TRPC5: variants seen among roughly 807,000 people sequenced by gnomAD.
TRPC5 encodes the protein transient receptor potential cation channel subfamily C member 5, also known as short transient receptor potential channel 5.
A neutral mutation model predicts 56.5 loss-of-function variants in TRPC5; 9 were observed. That is an observed-to-expected ratio of 0.16 (90% CI 0.10 to 0.28). TRPC5 has a LOEUF of 0.28. Ranked by LOEUF, TRPC5 falls within the 10% of genes least tolerant of loss-of-function variation. The pLI is 1.00. For synonymous variants in TRPC5, 282 were observed against 278.5 expected (o/e 1.01, Z -0.13); for missense variants, 469 against 748.9 (o/e 0.63, Z 4.36).
intron 1 of TRPC5, among the ~76,000 whole-genome samples, chrX:111,987,496 A>G (rs1928242336): frequency 9.0e-6 from 1 of 110,899 alleles, no homozygotes; most frequent in South Asian, 3.8e-4. Flanking sequence ...ACACCTTTGT[A>G]CCTTTTGACC....
rs773222185 is a variant in TRPC5 at position 111,864,439 on chromosome X, C to G, written c.901-10333G>C. Among the ~76,000 whole-genome samples, 3 of 112,521 alleles carry G rather than the reference C, an allele frequency of 2.7e-5. No homozygotes were observed. The Admixed American group carries it at 2.8e-4, about 11-fold the overall frequency. ...TAAACAAATGCCCCCAGGAAAAGAA[C>G]TATTGGTACTGAGTCAGATCACATG... is the stretch of plus-strand genomic sequence containing the variant. On this transcript the variant is annotated intron_variant, in intron 3 of 10. Coordinates refer to ENST00000262839, the MANE Select transcript of TRPC5 (RefSeq NM_012471.3).
chrX:111,796,570 T>C (rs767798899), intron 7 of TRPC5, among the ~76,000 whole-genome samples: 2 of 112,326 alleles, frequency 1.8e-5, no homozygotes, highest in African/African-American at 6.4e-5. Flanking sequence ...TTGAAGTCTA[T>C]TTTCAGTCTA....
intron 1 of TRPC5, among the ~76,000 whole-genome samples, chrX:112,064,870 C>T (rs1247618337): frequency 3.6e-5 from 4 of 110,475 alleles, no homozygotes; most frequent in Admixed American, 9.6e-5. Context: ...GTCAGGAGAT[C>T]GAGACCATCC....
intron 1 of TRPC5, among the ~76,000 whole-genome samples, chrX:111,964,564 C>T (rs1277467228): frequency 8.9e-6 from 1 of 111,959 alleles, no homozygotes; most frequent in African/African-American, 3.3e-5. Flanking sequence ...ATGTTAAGGG[C>T]AGCGAGAGAG....
intron 1 of TRPC5, among the ~76,000 whole-genome samples, chrX:112,070,757 C>A (rs778352417): frequency 8.5e-5 from 9 of 106,282 alleles, no homozygotes; most frequent in South Asian, 4.1e-4. Flanking sequence ...CTGCCCCCCC[C>A]CAAAGTTACT....
chrX:111,824,138 G>A (rs1173119311), intron 7 of TRPC5, among the ~76,000 whole-genome samples: 1 of 108,963 alleles, frequency 9.2e-6, no homozygotes, highest in Non-Finnish European at 1.9e-5. Flanking sequence ...AGCTGAGGCT[G>A]GAGGATTACA....
At chrX:111,987,177 T>C (rs1928232846) in intron 1 of TRPC5, among the ~76,000 whole-genome samples, 1 of 111,975 alleles carries the variant, frequency 8.9e-6, no homozygotes, top group Non-Finnish European at 1.9e-5. Flanking sequence ...CTCTCTTTAC[T>C]ACTGAAAATA....
In TRPC5 at chrX:111,802,829, T is replaced by G. The variant is rs190268341; in HGVS notation, c.1897-20691A>C. Among the ~76,000 whole-genome samples, 489 of 111,757 alleles carry G rather than the reference T, an allele frequency of 4.4e-3. 1 individual carries two copies. The highest frequency in any genetic ancestry group is 6.6e-3 in the Non-Finnish European group (350 of 53,129). ...ACAAACTCATAGCAAGCCTGCATGTTATATCTATATCTTTATTTATTTATT... is the reference window on the plus strand; with the variant it reads ...ACAAACTCATAGCAAGCCTGCATGTGATATCTATATCTTTATTTATTTATT... On this transcript the variant is annotated intron_variant, in intron 7 of 10. Transcript: ENST00000262839.
At chrX:112,020,810 C>A (rs776503145) in intron 1 of TRPC5, among the ~76,000 whole-genome samples, 186 of 110,579 alleles carry the variant, frequency 1.7e-3, no homozygotes, top group African/African-American at 5.6e-3. Context: ...AAAATCTTTT[C>A]TTTTCATTGT....
rs1291025957 is a variant in TRPC5 at position 111,824,052 on chromosome X, G to A, written c.1896+10869C>T. On this transcript the variant is annotated intron_variant, in intron 7 of 10. Transcript: ENST00000262839. ...TCGAGATCAGCCTGCACAACATGATGAAACGCCATCTCTACAAAAAATACA... is the reference window on the plus strand; with the variant it reads ...TCGAGATCAGCCTGCACAACATGATAAAACGCCATCTCTACAAAAAATACA... 3.6e-5 allele frequency among the ~76,000 whole-genome samples: 4 copies of A among 110,158 alleles called. No individual in the cohort carries two copies. In the Admixed American group the frequency reaches 3.9e-4, roughly 11 times the overall value.
chrX:111,807,296 C>T (rs780113062), intron 7 of TRPC5, among the ~76,000 whole-genome samples: 4 of 111,547 alleles, frequency 3.6e-5, no homozygotes, highest in African/African-American at 1.3e-4. Flanking sequence ...TTTCAAATAG[C>T]CTGTCTTCAA....
chrX:111,874,830 A>G (rs1341061948), intron 3 of TRPC5, among the ~76,000 whole-genome samples: 2 of 112,577 alleles, frequency 1.8e-5, no homozygotes, highest in Non-Finnish European at 3.7e-5. Context: ...TTGTTTATGT[A>G]TTACCTGTGG....
chrX:112,028,221 T>C (rs1929475787), intron 1 of TRPC5, among the ~76,000 whole-genome samples: 2 of 112,411 alleles, frequency 1.8e-5, no homozygotes, highest in African/African-American at 3.2e-5. Flanking sequence ...AGAAAGATGC[T>C]GTGCTAGTTA....
intron 1 of TRPC5, among the ~76,000 whole-genome samples, chrX:112,000,627 G>T (rs1023881052): frequency 9.0e-6 from 1 of 111,555 alleles, no homozygotes; most frequent in African/African-American, 3.3e-5. Flanking sequence ...TCTTCCTAGG[G>T]TTGTTGCGAC....
intron 1 of TRPC5, among the ~76,000 whole-genome samples, chrX:112,070,147 G>A (rs934742024): frequency 8.9e-6 from 1 of 112,025 alleles, no homozygotes; most frequent in Non-Finnish European, 1.9e-5. Flanking sequence ...CAAGACCAGG[G>A]TCCCAGAGGC....
At chrX:111,959,793 C>T (rs1927327041) in intron 1 of TRPC5, among the ~76,000 whole-genome samples, 2 of 111,561 alleles carry the variant, frequency 1.8e-5, no homozygotes, top group African/African-American at 6.5e-5. Flanking sequence ...ATGCTTAGGT[C>T]ACCCCTCCTC....
chrX:111,803,309 T>C (rs1921382073), intron 7 of TRPC5, among the ~76,000 whole-genome samples: 1 of 112,498 alleles, frequency 8.9e-6, no homozygotes, highest in Non-Finnish European at 1.9e-5. Flanking sequence ...ATAAACATAA[T>C]AAACATACTT....
intron 7 of TRPC5, among the ~76,000 whole-genome samples, chrX:111,806,500 T>C (rs1370620139): frequency 1.8e-5 from 2 of 112,234 alleles, no homozygotes; most frequent in Non-Finnish European, 3.8e-5. Flanking sequence ...CCTTGCCATG[T>C]GGGCCTCTCT....
intron 1 of TRPC5, among the ~76,000 whole-genome samples, chrX:111,962,839 G>C (rs7886068): frequency 0.097 from 10,762 of 111,431 alleles, 936 homozygotes; most frequent in African/African-American, 0.28. Context: ...AGAAATTGCC[G>C]GGGGTGGAGC....
Sources: allele counts gnomAD v4.1 joint callset (sites outside exome capture counted in the v4.1 genomes callset), GRCh38; gene constraint gnomAD v4.1.1; transcripts MANE v1.5; gene names NCBI Gene and HGNC (gene_info 2026-07-23, HGNC 2026-07-21).